The following PPIA variants were observed in gnomAD, a reference collection of about 807,000 sequenced individuals.
The protein encoded by PPIA is peptidyl-prolyl cis-trans isomerase A.
A neutral mutation model predicts 15.3 loss-of-function variants in PPIA; 2 were observed. That is an observed-to-expected ratio of 0.13 (90% CI 0.05 to 0.41). The LOEUF is 0.41. Ranked by LOEUF, PPIA falls within the 10% of genes least tolerant of loss-of-function variation. The pLI, the probability that PPIA is intolerant of heterozygous loss-of-function variation, is 0.99. For synonymous variants in PPIA, 67 were observed against 73.1 expected (o/e 0.92, Z 0.43); for missense variants, 103 against 210.3 (o/e 0.49, Z 3.16).
rs1792563549 is a variant in PPIA at position 44,801,570 on chromosome 7, CATGCCTAGCTGG to C, written c.*151_*162del. ...GTTCCATGTTTTCCTTGTTCCCTCC[CATGCCTAGCTGG>C]ATTGCAGAGTTAAGTTTATGATTAT... On this transcript the variant is annotated 3_prime_UTR_variant, in exon 5 of 5. Coordinates refer to ENST00000468812, the MANE Select transcript of PPIA (RefSeq NM_021130.5). 1 of 582,668 alleles carries C rather than the reference CATGCCTAGCTGG, an allele frequency of 1.7e-6. No individual in the cohort carries two copies. The highest frequency in any genetic ancestry group is 3.0e-6 in the Non-Finnish European group (1 of 329,214). 36.1% of individuals were successfully genotyped at this position (582,668 alleles called of 1,614,324 possible).
intron 1 of PPIA, 54 bp downstream of exon 1, chr7:44,796,847 G>C: frequency 6.4e-7 from 1 of 1,555,528 alleles, no homozygotes; most frequent in East Asian, 2.4e-5. Context: ...GCCGGGGTCG[G>C]GGTGGGTGGT....
chr7:44,799,149 T>C (rs1792467981), intron 1 of PPIA, 98 bp from the exon 2 acceptor site: 1 of 1,354,954 alleles, frequency 7.4e-7, no homozygotes, highest in Admixed American at 2.1e-5. Context: ...AGAAGTATTC[T>C]AGTGAGAAAA....
chr7:44,797,114 G>C (rs556707041), intron 1 of PPIA, among the ~76,000 whole-genome samples: 2 of 152,326 alleles, frequency 1.3e-5, no homozygotes, highest in South Asian at 2.1e-4. Flanking sequence ...TCAGGTCCGC[G>C]CCTTGAGAGT....
chr7:44,797,569 C>G (rs867284511), intron 1 of PPIA, among the ~76,000 whole-genome samples: 2 of 152,190 alleles, frequency 1.3e-5, no homozygotes, highest in Admixed American at 6.5e-5. Flanking sequence ...GATTGTCCCT[C>G]TGCCTAGCAA....
Position 44,799,744 on chromosome 7 carries a change from A to G in PPIA, c.232A>G (p.Ile78Val). 2 of 1,614,014 alleles carry G rather than the reference A, an allele frequency of 1.2e-6. No individual in the cohort carries two copies. The highest frequency in any genetic ancestry group is 1.1e-5 in the South Asian group (1 of 91,076). ...CCATAATGGCACTGGTGGCAAGTCC[A>G]TCTATGGGGAGAAATTTGAAGATGA... ...TRHNGTGGKS[I>V]YGEKFEDENF... The change falls in exon 4 of 5, where the codon ATC becomes GTC. Residue 78 changes from isoleucine (I) to valine (V), a missense_variant. Physicochemically the swap from Ile to Val is conservative, Grantham distance 29. Coordinates refer to ENST00000468812, the MANE Select transcript of PPIA (RefSeq NM_021130.5).
In PPIA at chr7:44,802,493, T is replaced by C. The variant is rs1450823365; in HGVS notation, c.*1071T>C. The C allele has an allele frequency of 6.6e-6, 1 of 152,162 alleles. No individual in the cohort carries two copies. The highest frequency in any genetic ancestry group is 1.9e-4 in the East Asian group (1 of 5,200). 9.4% of individuals were successfully genotyped at this position (152,162 alleles called of 1,614,324 possible). A position where few individuals can be genotyped will look rare whatever the true frequency, so the allele number is the denominator to read the frequency against. On this transcript the variant is annotated 3_prime_UTR_variant, in exon 5 of 5. Transcript: ENST00000468812. ...TAAGCTTGAACACTGTTGATGTTCT[T>C]GAGGGAAGCATATTGGGCTTTAGGC... is the stretch of plus-strand genomic sequence containing the variant.
At chr7:44,798,499 G>C (rs966156181) in intron 1 of PPIA, 2 of 155,608 alleles carry the variant, frequency 1.3e-5, no homozygotes, top group East Asian at 1.9e-4. Context: ...GTGACAGTGA[G>C]ACTCTTGTCT....
intron 4 of PPIA, among the ~76,000 whole-genome samples, chr7:44,800,895 G>A (rs190724157): frequency 2.6e-3 from 393 of 152,190 alleles, no homozygotes; most frequent in African/African-American, 8.9e-3. Flanking sequence ...TCGGCTCACT[G>A]CAAGCTCCGC....
At chr7:44,796,867 A>C in intron 1 of PPIA, 74 bp downstream of exon 1, 4 of 1,474,986 alleles carry the variant, frequency 2.7e-6, no homozygotes, top group Non-Finnish European at 3.7e-6. Flanking sequence ...TAGCGCCCCA[A>C]AGGCCCGGGC....
chr7:44,799,350 T>TA (rs748555956), intron 2 of PPIA, 42 bp from the exon 3 acceptor site: 2 of 1,599,426 alleles, frequency 1.3e-6, no homozygotes, highest in Non-Finnish European at 1.7e-6. Flanking sequence ...TATATATATA[T>TA]TTTTATGTAT....
rs36119683 is a variant in PPIA, at chr7:44,801,186, T to TAA, written c.363-86_363-85dup. On this transcript the variant is annotated intron_variant, in intron 4 of 4. Coordinates refer to ENST00000468812, the MANE Select transcript of PPIA (RefSeq NM_021130.5). ...GACATTTAGTACAAAAGGCTTCAGT[T>TAA]AAAAAAAAAAAAAAAAGCTACCTTT... is the stretch of plus-strand genomic sequence containing the variant. The TAA allele has an allele frequency of 3.8e-3, 4,145 of 1,082,256 alleles. 1 individual carries two copies. Among genetic ancestry groups the TAA allele is most frequent in the Non-Finnish European group, 4.6e-3 (3,621 of 782,520 alleles). The allele number at this position is 1,082,256 out of a possible 1,614,324, so 67.0% of individuals were successfully genotyped here. A position where few individuals can be genotyped will look rare whatever the true frequency, so the allele number is the denominator to read the frequency against.
chr7:44,800,729 A>G (rs1792526897), intron 4 of PPIA, among the ~76,000 whole-genome samples: 4 of 152,098 alleles, frequency 2.6e-5, no homozygotes, highest in East Asian at 3.9e-4. Flanking sequence ...GTTACTATTA[A>G]TAACATGCGG....
rs777755416 is a variant in PPIA at position 44,796,705 on chromosome 7, A to G, written c.-20A>G. ...CGTTTTGCAGACGCCACCGCCGAGG[A>G]AAACCGTGTACTATTAGCCATGGTC... On this transcript the variant is annotated 5_prime_UTR_variant, in exon 1 of 5. Transcript: ENST00000468812. 11 of 1,609,462 alleles carry G rather than the reference A, an allele frequency of 6.8e-6. No individual in the cohort carries two copies. The highest frequency in any genetic ancestry group is 3.3e-5 in the South Asian group (3 of 90,970).
In PPIA at chr7:44,799,241, T is replaced by C; in HGVS notation, c.70-6T>C. 1 of 1,613,444 alleles carries C rather than the reference T, an allele frequency of 6.2e-7. No individual in the cohort carries two copies. On this transcript the variant is annotated splice_polypyrimidine_tract_variant and splice_region_variant and intron_variant, in intron 1 of 4. Transcript: ENST00000468812. ...GATGTTAATTAACTGTAATTTTCTC[T>C]TACAGCTGTTTGCAGACAAGGTCCC...
intron 1 of PPIA, among the ~76,000 whole-genome samples, chr7:44,797,017 G>A (rs1213733629): frequency 6.6e-6 from 1 of 152,152 alleles, no homozygotes; most frequent in Non-Finnish European, 1.5e-5. Context: ...CGGCTGCGAG[G>A]CCGTTGGGGG....
At chr7:44,800,398 C>CTTTTTTTTTTTTTTT (rs57466816) in intron 4 of PPIA, 1 of 142,290 alleles carries the variant, frequency 7.0e-6, no homozygotes, top group Non-Finnish European at 1.5e-5. Context: ...CAATTAAGTG[C>CTTTTTTTTTTTTTTT]TTTTTTTTTT....
At chr7:44,797,392 T>C (rs965155147) in intron 1 of PPIA, among the ~76,000 whole-genome samples, 4 of 152,194 alleles carry the variant, frequency 2.6e-5, no homozygotes, top group Admixed American at 6.5e-5. Flanking sequence ...TGAAATATCT[T>C]CCATTTGGAT....
rs1482131744 is a variant in PPIA, at chr7:44,801,736, T to TG, written c.*314_*315insG. ...TTAATTCTACACAGTACTTAGATTTTTTTTACTTTCCAGTCCCAGGAAGTG... is the reference window on the plus strand; with the variant it reads ...TTAATTCTACACAGTACTTAGATTTTGTTTTACTTTCCAGTCCCAGGAAGTG... On this transcript the variant is annotated 3_prime_UTR_variant, in exon 5 of 5. Coordinates refer to ENST00000468812, the MANE Select transcript of PPIA (RefSeq NM_021130.5). 20 of 234,984 alleles carry TG rather than the reference T, an allele frequency of 8.5e-5. No homozygotes were observed. In the South Asian group the frequency reaches 1.1e-3, roughly 13 times the overall value. 14.6% of individuals were successfully genotyped at this position (234,984 alleles called of 1,614,324 possible). A position where few individuals can be genotyped will look rare whatever the true frequency, so the allele number is the denominator to read the frequency against.
chr7:44,799,544 T>C, intron 3 of PPIA, 64 bp downstream of exon 3: 2 of 1,580,542 alleles, frequency 1.3e-6, no homozygotes, highest in Non-Finnish European at 8.7e-7. Flanking sequence ...TGAGCCAGAA[T>C]ATTTCAGGAT....
Sources: gnomAD v4.1 joint callset for allele counts (sites outside exome capture counted in the v4.1 genomes callset) on GRCh38, gnomAD v4.1.1 for gene constraint, MANE v1.5 for transcripts, NCBI Gene and HGNC (gene_info 2026-07-23, HGNC 2026-07-21) for gene names.